R3HDM1: variants seen among roughly 807,000 people sequenced by gnomAD.
The protein encoded by R3HDM1 is R3H domain containing 1, also known as R3H domain-containing protein 1.
Under a neutral mutation model 141.1 loss-of-function variants are expected in R3HDM1, and 46 were observed. The ratio of observed to expected loss-of-function variants is 0.33; its 90% CI spans 0.26 to 0.42. R3HDM1 has a LOEUF of 0.42. Ranked by LOEUF, R3HDM1 falls within the 10% of genes least tolerant of loss-of-function variation. The probability of loss-of-function intolerance (pLI) is 1.00; values close to 1 mark genes in which losing one functional copy is unlikely to be tolerated. For missense variants in R3HDM1, 1,184 were observed against 1,368.3 expected (o/e 0.87, Z 2.12); for synonymous variants, 435 against 472.9 (o/e 0.92, Z 1.04).
At chr2:135,662,613 C>G (rs1371120220) in intron 19 of R3HDM1, among the ~76,000 whole-genome samples, 1 of 152,088 alleles carries the variant, frequency 6.6e-6, no homozygotes, top group Non-Finnish European at 1.5e-5. Flanking sequence ...TCATTTTAGC[C>G]AAGTTAGAAT....
chr2:135,620,992 AT>A (rs2061463779), intron 5 of R3HDM1, among the ~76,000 whole-genome samples: 1 of 152,036 alleles, frequency 6.6e-6, no homozygotes, highest in African/African-American at 2.4e-5. Context: ...TGTGCCGTTG[AT>A]TTTGGAAATG....
At chr2:135,579,594 G>GT (rs1225820376) in intron 1 of R3HDM1, among the ~76,000 whole-genome samples, 3 of 139,670 alleles carry the variant, frequency 2.1e-5, no homozygotes, top group African/African-American at 8.0e-5. Flanking sequence ...CTATGGGGTG[G>GT]CGGGGGGGGG....
At chr2:135,559,125 T>TGTC (rs745547510) in intron 1 of R3HDM1, 1 of 890,850 alleles carries the variant, frequency 1.1e-6, no homozygotes, top group Non-Finnish European at 1.3e-6. Context: ...TTGTTGTTGT[T>TGTC]GTCGGAGACA....
At chr2:135,621,810 C>A in intron 6 of R3HDM1, 1 of 981,068 alleles carries the variant, frequency 1.0e-6, no homozygotes, top group Non-Finnish European at 1.2e-6. Context: ...GCCAAAAATG[C>A]AACACATAAC....
rs528204993 is a variant in R3HDM1 at position 135,621,702 on chromosome 2, T to C, written c.418+94T>C. On this transcript the variant is annotated intron_variant, in intron 6 of 26. Transcript: ENST00000683871. Reference sequence around the variant, plus strand: ...AATAATTATATATAGTATATCTTTATGTAAAATGACACAGAACAGACTGGA... The same window carrying C: ...AATAATTATATATAGTATATCTTTACGTAAAATGACACAGAACAGACTGGA... The C allele has an allele frequency of 5.6e-5, 76 of 1,369,030 alleles. 1 individual carries two copies. The South Asian group carries it at 8.7e-4, about 16-fold the overall frequency. 84.8% of individuals were successfully genotyped at this position (1,369,030 alleles called of 1,614,324 possible). A position where few individuals can be genotyped will look rare whatever the true frequency, so the allele number is the denominator to read the frequency against.
intron 1 of R3HDM1, among the ~76,000 whole-genome samples, chr2:135,532,701 T>C (rs979549168): frequency 3.6e-4 from 55 of 152,244 alleles, no homozygotes; most frequent in African/African-American, 1.3e-3. Flanking sequence ...TACCCATTTA[T>C]AATATGTGAA....
At chr2:135,710,752 A>T (rs1292657109) in intron 23 of R3HDM1, among the ~76,000 whole-genome samples, 1 of 152,228 alleles carries the variant, frequency 6.6e-6, no homozygotes, top group Non-Finnish European at 1.5e-5. Flanking sequence ...GATAAACTAG[A>T]TCTAAAATTT....
intron 23 of R3HDM1, among the ~76,000 whole-genome samples, chr2:135,715,217 C>T (rs1479868666): frequency 2.0e-5 from 3 of 151,986 alleles, no homozygotes; most frequent in East Asian, 3.9e-4. Flanking sequence ...GGCATGGTGG[C>T]GGGTGCCTGT....
At chr2:135,704,203 C>T (rs759161999) in intron 21 of R3HDM1, among the ~76,000 whole-genome samples, 2 of 152,192 alleles carry the variant, frequency 1.3e-5, no homozygotes, top group Non-Finnish European at 2.9e-5. Context: ...TGGTCTCGAA[C>T]TCTTGACCTC....
At chr2:135,661,443 C>T in intron 19 of R3HDM1, 50 bp downstream of exon 19, 1 of 1,588,862 alleles carries the variant, frequency 6.3e-7, no homozygotes, top group Non-Finnish European at 8.6e-7. Context: ...TTTTTTCCAT[C>T]TTCTATTTCA....
intron 2 of R3HDM1, among the ~76,000 whole-genome samples, chr2:135,604,457 TA>T (rs909129863): frequency 6.6e-6 from 1 of 151,964 alleles, no homozygotes; most frequent in African/African-American, 2.4e-5. Flanking sequence ...TTTTTAAATG[TA>T]AAAAAAACAC....
intron 17 of R3HDM1, chr2:135,650,962 T>C (rs1290448008): frequency 1.0e-6 from 1 of 985,282 alleles, no homozygotes; most frequent in African/African-American, 1.7e-5. Context: ...TAACCCTATA[T>C]AATCATTTCA....
intron 21 of R3HDM1, among the ~76,000 whole-genome samples, chr2:135,684,515 T>A (rs1468389121): frequency 6.6e-6 from 1 of 152,200 alleles, no homozygotes; most frequent in Non-Finnish European, 1.5e-5. Context: ...TTTTCATCAA[T>A]TTTTAAAATT....
chr2:135,588,553 A>G (rs1287004214), intron 1 of R3HDM1, among the ~76,000 whole-genome samples: 3 of 152,178 alleles, frequency 2.0e-5, no homozygotes, highest in African/African-American at 7.2e-5. Context: ...ATTAAATACT[A>G]TATTTTAAAT....
chr2:135,623,442 A>G (rs2061689374), intron 7 of R3HDM1, among the ~76,000 whole-genome samples: 1 of 152,208 alleles, frequency 6.6e-6, no homozygotes, highest in South Asian at 2.1e-4. Flanking sequence ...CACGGAAGAT[A>G]AGAGAGTTGT....
At chr2:135,643,289 G>C (rs1336496491) in intron 15 of R3HDM1, among the ~76,000 whole-genome samples, 1 of 151,954 alleles carries the variant, frequency 6.6e-6, no homozygotes, top group African/African-American at 2.4e-5. Context: ...ATCTATAACT[G>C]TCACACAAAT....
rs149418658 is a variant in R3HDM1, at chr2:135,679,660, C to T, written c.2308-513C>T. Among the ~76,000 whole-genome samples, 548 of 152,354 alleles carry T rather than the reference C, an allele frequency of 3.6e-3. 3 individuals carry two copies. The highest frequency in any genetic ancestry group is 0.012 in the African/African-American group (487 of 41,578). Reference sequence around the variant, plus strand: ...TTTCATAATTTAATGCATCAGCCTACAGTACATACATTTACAAATGCTAGC... The same window carrying T: ...TTTCATAATTTAATGCATCAGCCTATAGTACATACATTTACAAATGCTAGC... On this transcript the variant is annotated intron_variant, in intron 20 of 26. Transcript: ENST00000683871.
At position 135,573,518 on chromosome 2, in the gene R3HDM1, A is replaced by T. The variant is rs149121044; in HGVS notation, c.-249-28982A>T. 2.3e-3 allele frequency among the ~76,000 whole-genome samples: 353 copies of T among 152,192 alleles called. 3 individuals carry two copies. Among genetic ancestry groups the T allele is most frequent in the African/African-American group, 7.9e-3 (328 of 41,522 alleles). On this transcript the variant is annotated intron_variant, in intron 1 of 26. Coordinates refer to ENST00000683871, the MANE Select transcript of R3HDM1 (RefSeq NM_001378107.1). ...GTTCAGCCAGAAGAAGTCCATCCTA[A>T]GTCTGAAAATTCTTTTTTTTTTTTT...
At chr2:135,705,762 A>C (rs1455107430) in intron 21 of R3HDM1, among the ~76,000 whole-genome samples, 1 of 152,176 alleles carries the variant, frequency 6.6e-6, no homozygotes, top group Non-Finnish European at 1.5e-5. Flanking sequence ...TGAATAACTA[A>C]TTAACTGGAG....
Sources: allele counts gnomAD v4.1 joint callset (sites outside exome capture counted in the v4.1 genomes callset), GRCh38; gene constraint gnomAD v4.1.1; transcripts MANE v1.5; gene names NCBI Gene and HGNC (gene_info 2026-07-23, HGNC 2026-07-21).